SGCD: variants seen among roughly 807,000 people sequenced by gnomAD.
SGCD encodes delta-sarcoglycan.
In SGCD, 18 loss-of-function variants were observed where a neutral mutation model predicts 36.6. That is an observed-to-expected ratio of 0.49 (90% CI 0.34 to 0.73). The LOEUF (loss-of-function observed/expected upper bound fraction) is 0.73. Among genes scored for constraint, SGCD ranks in the 30% least tolerant of loss-of-function variants. SGCD has a pLI of 0.01. For missense variants in SGCD, 387 were observed against 346.7 expected (o/e 1.12, Z -0.92); for synonymous variants, 133 against 130.6 (o/e 1.02, Z -0.12).
intron 3 of SGCD, among the ~76,000 whole-genome samples, chr5:156,359,130 G>C (rs767487909): frequency 3.9e-5 from 6 of 152,228 alleles, no homozygotes; most frequent in Non-Finnish European, 5.9e-5. Flanking sequence ...GACCTCACCT[G>C]TGAGGATAGA....
intron 3 of SGCD, among the ~76,000 whole-genome samples, chr5:156,357,139 A>G (rs1050228116): frequency 4.6e-5 from 7 of 152,230 alleles, no homozygotes; most frequent in African/African-American, 1.4e-4. Flanking sequence ...GCCACCATCA[A>G]TGCTATTAAG....
At chr5:156,428,800 T>C (rs1028771009) in intron 3 of SGCD, among the ~76,000 whole-genome samples, 3 of 152,174 alleles carry the variant, frequency 2.0e-5, no homozygotes, top group African/African-American at 7.2e-5. Flanking sequence ...CCAAACATCA[T>C]TCAAGAGCAG....
At chr5:156,042,787 A>T (rs945276947) in intron 1 of SGCD, among the ~76,000 whole-genome samples, 1 of 152,144 alleles carries the variant, frequency 6.6e-6, no homozygotes, top group Admixed American at 6.5e-5. Context: ...GGTTCTGTAA[A>T]TGTTATCTGC....
At chr5:155,934,511 A>T (rs1010352652) in intron 1 of SGCD, among the ~76,000 whole-genome samples, 1 of 152,248 alleles carries the variant, frequency 6.6e-6, no homozygotes, top group African/African-American at 2.4e-5. Context: ...CCAACTTGGT[A>T]CAGCTTTAAA....
At chr5:156,142,742 A>G (rs1477736714) in intron 3 of SGCD, among the ~76,000 whole-genome samples, 2 of 152,220 alleles carry the variant, frequency 1.3e-5, no homozygotes, top group East Asian at 3.8e-4. Context: ...GCAGCAAAAC[A>G]TTCAAGATTT....
intron 1 of SGCD, among the ~76,000 whole-genome samples, chr5:155,955,509 T>G (rs1032742240): frequency 1.2e-4 from 18 of 152,178 alleles, no homozygotes; most frequent in African/African-American, 4.1e-4. Flanking sequence ...AACACTTGAT[T>G]GCAGGCTATA....
At chr5:156,443,298 T>C (rs1047401110) in intron 3 of SGCD, among the ~76,000 whole-genome samples, 2 of 152,188 alleles carry the variant, frequency 1.3e-5, no homozygotes, top group African/African-American at 4.8e-5. Context: ...TACCTTCTTA[T>C]TGACTGTTTC....
At chr5:156,253,197 C>T (rs1349604853) in intron 3 of SGCD, among the ~76,000 whole-genome samples, 2 of 152,084 alleles carry the variant, frequency 1.3e-5, no homozygotes, top group African/African-American at 4.8e-5. Context: ...GGAACAAAGC[C>T]CAGGTGAGCT....
At chr5:156,673,461 A>C (rs1045607935) in intron 7 of SGCD, among the ~76,000 whole-genome samples, 1 of 152,180 alleles carries the variant, frequency 6.6e-6, no homozygotes, top group African/African-American at 2.4e-5. Context: ...TCACAGAGGA[A>C]GGCCAAGTCC....
chr5:155,742,259 C>T, the SGCD span, among the ~76,000 whole-genome samples: 8 of 152,162 alleles, frequency 5.3e-5, no homozygotes, highest in Admixed American at 5.2e-4. Flanking sequence ...TACTCCTCAC[C>T]TTTATTGCTT....
At chr5:156,255,362 C>G (rs939971266) in intron 3 of SGCD, among the ~76,000 whole-genome samples, 1 of 152,114 alleles carries the variant, frequency 6.6e-6, no homozygotes, top group Non-Finnish European at 1.5e-5. Flanking sequence ...ATTTATATTC[C>G]TTATTAGACT....
intron 4 of SGCD, among the ~76,000 whole-genome samples, chr5:156,564,425 G>C (rs1354888692): frequency 1.3e-5 from 2 of 152,136 alleles, no homozygotes; most frequent in Non-Finnish European, 2.9e-5. Flanking sequence ...ACTCCAGCCT[G>C]GGCGACAGAG....
chr5:156,358,465 A>G (rs189723072), intron 3 of SGCD, among the ~76,000 whole-genome samples: 1 of 152,316 alleles, frequency 6.6e-6, no homozygotes, highest in Admixed American at 6.5e-5. Context: ...AATTATTACT[A>G]TAATTATGAT....
intron 2 of SGCD, among the ~76,000 whole-genome samples, chr5:156,340,261 A>T (rs1768579322): frequency 6.6e-6 from 1 of 152,220 alleles, no homozygotes; most frequent in Admixed American, 6.5e-5. Context: ...GACATTTTAC[A>T]TATCTCATGA....
intron 3 of SGCD, among the ~76,000 whole-genome samples, chr5:156,213,161 AC>A: frequency 6.6e-6 from 1 of 152,174 alleles, no homozygotes; most frequent in South Asian, 2.1e-4. Context: ...GAGAGCAAAA[AC>A]AAATGAGATC....
At chr5:156,068,012 T>C (rs1581074268) in intron 1 of SGCD, among the ~76,000 whole-genome samples, 1 of 152,040 alleles carries the variant, frequency 6.6e-6, no homozygotes, top group Middle Eastern at 3.2e-3. Context: ...TTAGAAATTT[T>C]GTTGAAACAA....
chr5:156,267,863 G>A (rs2127668090), intron 3 of SGCD, among the ~76,000 whole-genome samples: 1 of 152,168 alleles, frequency 6.6e-6, no homozygotes, highest in South Asian at 2.1e-4. Context: ...TAGGTTCAGA[G>A]GTACATATTC....
intron 7 of SGCD, among the ~76,000 whole-genome samples, chr5:156,705,699 T>A (rs543267862): frequency 6.6e-6 from 1 of 152,304 alleles, no homozygotes; most frequent in East Asian, 1.9e-4. Context: ...ATATTGGTGA[T>A]AAGCTGTGTG....
the SGCD span, among the ~76,000 whole-genome samples, chr5:155,831,654 AT>A: frequency 2.0e-5 from 3 of 152,226 alleles, no homozygotes; most frequent in African/African-American, 7.2e-5. Context: ...AGTGCCAGGC[AT>A]CCCCCGTCAC....
Sources: allele counts gnomAD v4.1 joint callset (sites outside exome capture counted in the v4.1 genomes callset), GRCh38; gene constraint gnomAD v4.1.1; transcripts MANE v1.5; gene names NCBI Gene and HGNC (gene_info 2026-07-23, HGNC 2026-07-21).